WWC2: variants seen among roughly 807,000 people sequenced by gnomAD.
WWC2 encodes WW and C2 domain containing 2.
Under a neutral mutation model 138.5 loss-of-function variants are expected in WWC2, and 101 were observed. That is an observed-to-expected ratio of 0.73 (90% CI 0.62 to 0.86). WWC2 has a LOEUF of 0.86. Among genes scored for constraint, WWC2 ranks in the 40% least tolerant of loss-of-function variants. The pLI is 0.00. For synonymous variants in WWC2, 558 were observed against 538.4 expected, an observed-to-expected ratio of 1.04 and a Z score of -0.50; for missense variants, 1,420 against 1,419.4, an observed-to-expected ratio of 1.00 and a Z score of -0.01.
At chr4:183,131,344 G>T (rs1038715391) in intron 1 of WWC2, among the ~76,000 whole-genome samples, 1 of 151,942 alleles carries the variant, frequency 6.6e-6, no homozygotes, top group African/African-American at 2.4e-5. Flanking sequence ...TCTTAGACAT[G>T]ATACCAAAGC....
chr4:183,195,169 G>T (rs574952137), intron 2 of WWC2, among the ~76,000 whole-genome samples: 19 of 152,284 alleles, frequency 1.2e-4, no homozygotes, highest in African/African-American at 4.1e-4. Context: ...TTTAAGCACG[G>T]TGTCTCACCC....
At chr4:183,315,576 C>T in intron 22 of WWC2, 87 bp from the exon 23 acceptor site, 1 of 956,058 alleles carries the variant, frequency 1.0e-6, no homozygotes. Flanking sequence ...ACATCACTGC[C>T]ACTGCAGGTC....
chr4:183,180,795 C>T (rs193198086), intron 1 of WWC2, among the ~76,000 whole-genome samples: 12 of 131,822 alleles, frequency 9.1e-5, no homozygotes, highest in African/African-American at 3.5e-4. Flanking sequence ...TCTGTAGGGA[C>T]AGGAAGTAGA....
intron 4 of WWC2, among the ~76,000 whole-genome samples, chr4:183,231,296 G>T (rs1736239339): frequency 3.6e-5 from 4 of 110,698 alleles, no homozygotes; most frequent in Non-Finnish European, 1.7e-5. Flanking sequence ...TTGAGACAGA[G>T]CCTCACTCTG....
At position 183,117,790 on chromosome 4, in the gene WWC2, C is replaced by CT. The variant is rs758829778; in HGVS notation, c.131+18183dup. On this transcript the variant is annotated intron_variant, in intron 1 of 22. Coordinates refer to ENST00000403733, the MANE Select transcript of WWC2 (RefSeq NM_024949.6). ...CAGCCCGCAGACCTTGATTGGGGAT[C>CT]TTTTTTTTTTTTTTTGAGGTGGAGT... Among the ~76,000 whole-genome samples, 229 of 135,684 alleles carry CT rather than the reference C, an allele frequency of 1.7e-3. 1 individual carries two copies. The highest frequency in any genetic ancestry group is 4.0e-3 in the Middle Eastern group (1 of 250). The allele number at this position is 135,684 out of a possible 152,430, so 89.0% of individuals were successfully genotyped here.
chr4:183,282,685 G>GTTTTGT, intron 17 of WWC2, 23 bp from the exon 18 acceptor site: 3 of 1,554,900 alleles, frequency 1.9e-6, no homozygotes, highest in Non-Finnish European at 1.7e-6. Context: ...TACCAAAAGT[G>GTTTTGT]TTTTGTTTTT....
chr4:183,282,987 A>C, intron 18 of WWC2, 81 bp downstream of exon 18: 2 of 1,376,252 alleles, frequency 1.5e-6, no homozygotes, highest in South Asian at 3.3e-5. Context: ...TTGTCTCCTT[A>C]GGTGTAAATT....
chr4:183,120,485 A>G (rs915348248), intron 1 of WWC2, among the ~76,000 whole-genome samples: 5 of 152,188 alleles, frequency 3.3e-5, no homozygotes, highest in Non-Finnish European at 7.3e-5. Context: ...AGACTAGGGG[A>G]ATAACTTGGA....
chr4:183,200,504 C>T (rs910415166), intron 2 of WWC2, among the ~76,000 whole-genome samples: 1 of 151,988 alleles, frequency 6.6e-6, no homozygotes, highest in African/African-American at 2.4e-5. Flanking sequence ...TTTATTATCT[C>T]ATGGTTTCTG....
At chr4:183,180,919 G>T (rs1734614480) in intron 1 of WWC2, among the ~76,000 whole-genome samples, 1 of 152,046 alleles carries the variant, frequency 6.6e-6, no homozygotes, top group African/African-American at 2.4e-5. Context: ...TGGCACGAAT[G>T]CATAAAATAT....
chr4:183,117,941 T>C (rs1732470096), intron 1 of WWC2, among the ~76,000 whole-genome samples: 2 of 151,794 alleles, frequency 1.3e-5, no homozygotes, highest in Non-Finnish European at 1.5e-5. Flanking sequence ...GCTGGGACTA[T>C]AGGCTCGTGC....
chr4:183,203,793 C>T (rs1275161560), intron 2 of WWC2, among the ~76,000 whole-genome samples: 1 of 152,204 alleles, frequency 6.6e-6, no homozygotes, highest in Admixed American at 6.5e-5. Context: ...TTACATTTCT[C>T]TATTAATGAC....
chr4:183,147,497 G>A (rs1733495206), intron 1 of WWC2, among the ~76,000 whole-genome samples: 1 of 152,200 alleles, frequency 6.6e-6, no homozygotes, highest in Non-Finnish European at 1.5e-5. Flanking sequence ...AGATCACTCT[G>A]TTGTTATTGT....
intron 9 of WWC2, among the ~76,000 whole-genome samples, chr4:183,255,274 A>G (rs917584282): frequency 1.1e-4 from 16 of 152,122 alleles, no homozygotes; most frequent in African/African-American, 3.6e-4. Context: ...AGCCTGAGGG[A>G]AGTGTCAGCC....
intron 1 of WWC2, among the ~76,000 whole-genome samples, chr4:183,166,442 A>G (rs1231408844): frequency 6.6e-6 from 1 of 152,172 alleles, no homozygotes; most frequent in African/African-American, 2.4e-5. Flanking sequence ...AGTGCTCTTC[A>G]CTTTTGTGAG....
At chr4:183,182,589 T>C (rs534301711) in intron 1 of WWC2, among the ~76,000 whole-genome samples, 9 of 152,348 alleles carry the variant, frequency 5.9e-5, no homozygotes, top group African/African-American at 1.9e-4. Flanking sequence ...CTTTGTTTTC[T>C]TCCGTGGCAT....
intron 1 of WWC2, among the ~76,000 whole-genome samples, chr4:183,147,337 C>G (rs1733490957): frequency 6.6e-6 from 1 of 152,218 alleles, no homozygotes; most frequent in Admixed American, 6.5e-5. Flanking sequence ...CAAAGCTACA[C>G]AGCTAGTCTG....
At chr4:183,315,077 G>A (rs991300740) in intron 22 of WWC2, among the ~76,000 whole-genome samples, 3 of 152,188 alleles carry the variant, frequency 2.0e-5, no homozygotes, top group African/African-American at 4.8e-5. Flanking sequence ...GGAAATAGAC[G>A]CACTGTTTGT....
At position 183,320,400 on chromosome 4, in the gene WWC2, G is replaced by A. The variant is rs1739605338; in HGVS notation, c.*4671G>A. 2 of 651,282 alleles carry A rather than the reference G, an allele frequency of 3.1e-6. No individual in the cohort carries two copies. Among genetic ancestry groups the A allele is most frequent in the Admixed American group, 6.3e-5 (2 of 31,754 alleles). 40.3% of individuals were successfully genotyped at this position (651,282 alleles called of 1,614,324 possible). A position where few individuals can be genotyped will look rare whatever the true frequency, so the allele number is the denominator to read the frequency against. On this transcript the variant is annotated 3_prime_UTR_variant, in exon 23 of 23. Transcript: ENST00000403733. The stretch of plus-strand genomic sequence containing the variant: ...GTTGAATGGGTTTCACAAAAGGATA[G>A]GGAAATAATGCCGCCAACCAGTAAT...
Sources: gnomAD v4.1 joint callset for allele counts (sites outside exome capture counted in the v4.1 genomes callset) on GRCh38, gnomAD v4.1.1 for gene constraint, MANE v1.5 for transcripts, NCBI Gene and HGNC (gene_info 2026-07-23, HGNC 2026-07-21) for gene names.